The following MCPH1 variants were observed in gnomAD, a reference collection of about 807,000 sequenced individuals.
MCPH1 encodes microcephalin 1.
Under a neutral mutation model 84.5 loss-of-function variants are expected in MCPH1, and 104 were observed. The ratio of observed to expected loss-of-function variants is 1.23; its 90% CI spans 1.05 to 1.45. The LOEUF is 1.45. MCPH1 is among the 40% of genes most tolerant of loss of function. The pLI is 0.00. For synonymous variants in MCPH1, 514 were observed against 366.8 expected (o/e 1.40, Z -4.58); for missense variants, 1,498 against 1,005.7 (o/e 1.49, Z -6.62).
At chr8:6,569,295 A>G (rs957039900) in intron 12 of MCPH1, among the ~76,000 whole-genome samples, 2 of 152,174 alleles carry the variant, frequency 1.3e-5, no homozygotes, top group Non-Finnish European at 2.9e-5. Flanking sequence ...ATTCCTTTAT[A>G]TGCCTCCTGG....
intron 12 of MCPH1, among the ~76,000 whole-genome samples, chr8:6,559,353 T>G (rs921264231): frequency 6.6e-6 from 1 of 152,156 alleles, no homozygotes; most frequent in Admixed American, 6.5e-5. Context: ...CAGCTATGTT[T>G]GAAGAGCATA....
chr8:6,571,190 GA>G (rs1488267987), intron 12 of MCPH1, among the ~76,000 whole-genome samples: 1 of 152,194 alleles, frequency 6.6e-6, no homozygotes, highest in East Asian at 1.9e-4. Flanking sequence ...TAAAACAATA[GA>G]TGAGTACATT....
intron 12 of MCPH1, among the ~76,000 whole-genome samples, chr8:6,541,907 C>G (rs1821647546): frequency 6.6e-6 from 1 of 150,860 alleles, no homozygotes; most frequent in Non-Finnish European, 1.5e-5. Flanking sequence ...ACTCAGGAGG[C>G]TAAGGTGGGA....
chr8:6,576,504 C>CCCCTTCCCCTT (rs1827113909), intron 12 of MCPH1, among the ~76,000 whole-genome samples: 1 of 147,890 alleles, frequency 6.8e-6, no homozygotes, highest in Non-Finnish European at 1.5e-5. Flanking sequence ...CCTTTCCCTT[C>CCCCTTCCCCTT]CCCTTCCCCT....
intron 9 of MCPH1, among the ~76,000 whole-genome samples, chr8:6,473,668 CAT>C (rs895628689): frequency 5.9e-5 from 9 of 152,260 alleles, no homozygotes; most frequent in African/African-American, 2.2e-4. Flanking sequence ...TGTTGTATTT[CAT>C]ATGTTTAGCT....
At chr8:6,511,416 G>T (rs563992821) in intron 12 of MCPH1, among the ~76,000 whole-genome samples, 1 of 152,090 alleles carries the variant, frequency 6.6e-6, no homozygotes, top group South Asian at 2.1e-4. Context: ...TGTGTGAAAA[G>T]TGATGAATTT....
chr8:6,479,074 G>A (rs1047305650), intron 10 of MCPH1, among the ~76,000 whole-genome samples: 8 of 152,152 alleles, frequency 5.3e-5, no homozygotes, highest in African/African-American at 9.7e-5. Context: ...AGACCAGCCT[G>A]GGCAACATAG....
intron 2 of MCPH1, among the ~76,000 whole-genome samples, chr8:6,411,547 T>A (rs2129551118): frequency 6.6e-6 from 1 of 152,322 alleles, no homozygotes; most frequent in Admixed American, 6.5e-5. Flanking sequence ...AAATTGTGTG[T>A]TGAAGTTGCT....
chr8:6,466,824 C>T (rs1209265306), intron 9 of MCPH1, among the ~76,000 whole-genome samples: 1 of 152,170 alleles, frequency 6.6e-6, no homozygotes, highest in African/African-American at 2.4e-5. Context: ...GTTCCGCCCA[C>T]CTTGGCCTTC....
At chr8:6,575,704 T>A (rs1827020016) in intron 12 of MCPH1, among the ~76,000 whole-genome samples, 1 of 152,112 alleles carries the variant, frequency 6.6e-6, no homozygotes, top group East Asian at 1.9e-4. Context: ...TAAGATAGGG[T>A]CATACTGGAG....
At chr8:6,539,375 G>A (rs1821103335) in intron 12 of MCPH1, among the ~76,000 whole-genome samples, 1 of 152,158 alleles carries the variant, frequency 6.6e-6, no homozygotes, top group Non-Finnish European at 1.5e-5. Flanking sequence ...TCAGTGTAAG[G>A]CCCTAGAAGT....
chr8:6,579,394 C>G (rs1251219355), intron 12 of MCPH1, among the ~76,000 whole-genome samples: 1 of 152,204 alleles, frequency 6.6e-6, no homozygotes, highest in Non-Finnish European at 1.5e-5. Context: ...GTGGTCAGCC[C>G]TCCGCTCGGT....
intron 11 of MCPH1, among the ~76,000 whole-genome samples, chr8:6,489,699 G>A (rs1012542016): frequency 1.3e-5 from 2 of 152,166 alleles, no homozygotes; most frequent in African/African-American, 4.8e-5. Flanking sequence ...CAGCGAATGG[G>A]GCACTGTGAA....
At chr8:6,446,531 C>G (rs1364326537) in intron 8 of MCPH1, 1 of 983,812 alleles carries the variant, frequency 1.0e-6, no homozygotes, top group Non-Finnish European at 1.2e-6. Flanking sequence ...TATATCTTGG[C>G]TTTCTGAACA....
chr8:6,604,170 G>T (rs987941086), intron 12 of MCPH1, among the ~76,000 whole-genome samples: 1 of 142,322 alleles, frequency 7.0e-6, no homozygotes, highest in African/African-American at 2.5e-5. Flanking sequence ...GTCATAGGCC[G>T]CAGCCAAGTG....
At chr8:6,595,226 A>T (rs1182436829) in intron 12 of MCPH1, among the ~76,000 whole-genome samples, 1 of 152,218 alleles carries the variant, frequency 6.6e-6, no homozygotes, top group African/African-American at 2.4e-5. Context: ...GAGAGAGGCA[A>T]GGATCCCTGT....
intron 3 of MCPH1, 116 bp downstream of exon 3, chr8:6,414,999 T>C: frequency 9.7e-7 from 1 of 1,034,390 alleles, no homozygotes; most frequent in Non-Finnish European, 1.4e-6. Flanking sequence ...TTTCTCTGCC[T>C]CTTACCTCAC....
chr8:6,458,304 C>G (rs1218826436), intron 9 of MCPH1, among the ~76,000 whole-genome samples: 1 of 151,948 alleles, frequency 6.6e-6, no homozygotes, highest in Non-Finnish European at 1.5e-5. Context: ...AACCCCGTCT[C>G]TACTAGAAAT....
intron 12 of MCPH1, among the ~76,000 whole-genome samples, chr8:6,596,930 T>C (rs1246338351): frequency 6.6e-6 from 1 of 152,168 alleles, no homozygotes; most frequent in African/African-American, 2.4e-5. Flanking sequence ...GTATAGAGGA[T>C]ACGGTCAGAG....
Sources: allele counts gnomAD v4.1 joint callset (sites outside exome capture counted in the v4.1 genomes callset), GRCh38; gene constraint gnomAD v4.1.1; transcripts MANE v1.5; gene names NCBI Gene and HGNC (gene_info 2026-07-23, HGNC 2026-07-21).